SLC6A12: variants seen among roughly 807,000 people sequenced by gnomAD.
SLC6A12 encodes the protein solute carrier family 6 member 12, also known as sodium- and chloride-dependent betaine transporter.
SLC6A12 carries 50 observed loss-of-function variants against 73.3 expected under a neutral mutation model. The ratio of observed to expected loss-of-function variants is 0.68; its 90% confidence interval spans 0.54 to 0.86. SLC6A12 has a LOEUF of 0.86. Among genes scored for constraint, SLC6A12 ranks in the 40% least tolerant of loss-of-function variants. The pLI is 0.00. For synonymous variants in SLC6A12, 304 were observed against 309.2 expected, an observed-to-expected ratio of 0.98 and a Z score of 0.18; for missense variants, 648 against 772.8, an observed-to-expected ratio of 0.84 and a Z score of 1.92.
In SLC6A12 at chr12:200,501, TC is replaced by T. The variant is rs766767285; in HGVS notation, c.711+149del. 103 of 737,308 alleles carry T rather than the reference TC, an allele frequency of 1.4e-4. 1 individual carries two copies. Among genetic ancestry groups the T allele is most frequent in the African/African-American group, 2.3e-4 (13 of 56,264 alleles). 45.7% of individuals were successfully genotyped at this position (737,308 alleles called of 1,614,324 possible). A position where few individuals can be genotyped will look rare whatever the true frequency, so the allele number is the denominator to read the frequency against. On this transcript the variant is annotated intron_variant, in intron 7 of 15. Coordinates refer to ENST00000684302, the MANE Select transcript of SLC6A12 (RefSeq NM_001122848.3). ...GAGCTAAGCTCCGCCTTCCTGTGGC[TC>T]CCCCTGTTCTCACTAGGCATCTCCC... is the stretch of plus-strand genomic sequence containing the variant.
At chr12:187,351 G>A (rs1293198851), downstream of SLC6A12, among the ~76,000 whole-genome samples, 30 of 151,982 alleles carry the variant, frequency 2.0e-4, no homozygotes, top group African/African-American at 6.8e-4. Context: ...GATGTGTTCG[G>A]AGTTTTTTCC....
chr12:199,003 C>T lies in SLC6A12; in HGVS notation c.712-72G>A, dbSNP rs762987474. 16 of 1,515,152 alleles carry T rather than the reference C, an allele frequency of 1.1e-5. No homozygotes were observed. In the African/African-American group the frequency reaches 1.1e-4, roughly 10 times the overall value. 93.9% of individuals were successfully genotyped at this position (1,515,152 alleles called of 1,614,324 possible). A position where few individuals can be genotyped will look rare whatever the true frequency, so the allele number is the denominator to read the frequency against. ...TGGCCCTCCAGCCACGCCCCACAGG[C>T]AGCTCGAGTCACACGGAGCTCAGTC... On this transcript the variant is annotated intron_variant, in intron 7 of 15. Coordinates refer to ENST00000684302, the MANE Select transcript of SLC6A12 (RefSeq NM_001122848.3).
At chr12:185,236 G>A (rs1478360930), downstream of SLC6A12, among the ~76,000 whole-genome samples, 5 of 152,320 alleles carry the variant, frequency 3.3e-5, no homozygotes, top group East Asian at 3.9e-4. Context: ...CCGCTCCCCC[G>A]GCCCCACCCG....
At chr12:189,185 G>C (rs1230556788), downstream of SLC6A12, among the ~76,000 whole-genome samples, 3 of 152,252 alleles carry the variant, frequency 2.0e-5, no homozygotes, top group South Asian at 2.1e-4. Context: ...GACTAGCTGC[G>C]GGCAGGGGCC....
chr12:184,882 G>A, the SLC6A12 span, among the ~76,000 whole-genome samples: 1 of 151,570 alleles, frequency 6.6e-6, no homozygotes, highest in Non-Finnish European at 1.5e-5. Flanking sequence ...GTAGTGAGCT[G>A]AGATCAAGCC....
At chr12:196,705 C>A in intron 11 of SLC6A12, 65 bp downstream of exon 11, 1 of 1,167,534 alleles carries the variant, frequency 8.6e-7, no homozygotes, top group East Asian at 2.3e-5. Flanking sequence ...GAAAGTAGTC[C>A]CAGGACAAGC....
In SLC6A12 at chr12:202,891, G is replaced by T. The variant is rs759925640; in HGVS notation, c.350-11C>A. On this transcript the variant is annotated splice_polypyrimidine_tract_variant and intron_variant, in intron 4 of 15. Transcript: ENST00000684302. ...ATGCCAGACCAATGCCTTCCAGAGT[G>T]GGGGAGAGATGGGGAGGGACAAGAG... The T allele has an allele frequency of 9.5e-5, 153 of 1,613,004 alleles. No individual in the cohort carries two copies. In the South Asian group the frequency reaches 1.6e-3, roughly 17 times the overall value.
At chr12:187,666 C>G (rs1939461503), downstream of SLC6A12, among the ~76,000 whole-genome samples, 1 of 148,738 alleles carries the variant, frequency 6.7e-6, no homozygotes, top group Admixed American at 6.7e-5. Flanking sequence ...GCACACAACG[C>G]GACCCCAGCG....
At chr12:186,592 G>A (rs1389402280), downstream of SLC6A12, among the ~76,000 whole-genome samples, 2 of 152,212 alleles carry the variant, frequency 1.3e-5, no homozygotes, top group Admixed American at 1.3e-4. Context: ...TTTCCACGCA[G>A]TGTATTCACC....
downstream of SLC6A12, among the ~76,000 whole-genome samples, chr12:186,127 G>C (rs116720720): frequency 5.5e-3 from 838 of 152,244 alleles, 10 homozygotes; most frequent in African/African-American, 0.019. Flanking sequence ...AGGAGGCTCA[G>C]GCAGAAGGGC....
rs2137118973 is a variant in SLC6A12, at chr12:195,281, C to T, written c.1373G>A (p.Gly458Asp). The T allele has an allele frequency of 6.2e-7, 1 of 1,613,774 alleles. No individual in the cohort carries two copies. The highest frequency in any genetic ancestry group is 8.5e-7 in the Non-Finnish European group (1 of 1,179,624). Residue 458 changes from glycine to aspartate, a missense_variant, in exon 13 of 16, where the codon GGC becomes GAC. By Grantham distance (94) the Gly-to-Asp change is moderately conservative. Coordinates refer to ENST00000684302, the MANE Select transcript of SLC6A12 (RefSeq NM_001122848.3). Reference sequence around the variant, plus strand: ...CAATGACAGGAACAGCAGGCATATGCCACTGGAAGCATAGTAGTCAAACAG... The same window carrying T: ...CAATGACAGGAACAGCAGGCATATGTCACTGGAAGCATAGTAGTCAAACAG... ...FQLFDYYASS[G>D]ICLLFLSLFE...
In SLC6A12 at chr12:204,598, G is replaced by GAC; in HGVS notation, c.313_314dup (p.Thr106SerfsTer25). The GAC allele has an allele frequency of 6.2e-7, 1 of 1,614,200 alleles. No homozygotes were observed. Among genetic ancestry groups the GAC allele is most frequent in the Non-Finnish European group, 8.5e-7 (1 of 1,180,004 alleles). Reference sequence around the variant, plus strand: ...GGGGGCAGATCTTCCTCCAGGCTGTGACACTCCCTTGGCTGGTGTATTGGC... The same window carrying GAC: ...GGGGGCAGATCTTCCTCCAGGCTGTGACACACTCCCTTGGCTGGTGTATTGGC... On this transcript the variant is annotated frameshift_variant, in exon 4 of 16. Coordinates refer to ENST00000684302, the MANE Select transcript of SLC6A12 (RefSeq NM_001122848.3). LOFTEE classifies it high-confidence loss of function.
intron 7 of SLC6A12, among the ~76,000 whole-genome samples, chr12:200,302 G>C (rs904726654): frequency 6.6e-6 from 1 of 151,174 alleles, no homozygotes; most frequent in East Asian, 1.9e-4. Context: ...TAGAGACGGG[G>C]TTTTACCGTG....
chr12:194,821 T>G (rs977656408), intron 13 of SLC6A12, among the ~76,000 whole-genome samples: 5 of 152,136 alleles, frequency 3.3e-5, no homozygotes, highest in African/African-American at 7.2e-5. Context: ...ATGGAAGTAC[T>G]CAGAGTCTGG....
intron 13 of SLC6A12, among the ~76,000 whole-genome samples, chr12:194,421 G>C (rs1174039923): frequency 6.6e-6 from 1 of 152,268 alleles, no homozygotes; most frequent in Non-Finnish European, 1.5e-5. Context: ...CCTGAACCTT[G>C]TGACATTGGC....
chr12:186,543 C>A (rs1448938744), downstream of SLC6A12, among the ~76,000 whole-genome samples: 2 of 152,218 alleles, frequency 1.3e-5, no homozygotes, highest in Admixed American at 6.5e-5. Context: ...TCAGCCAGGG[C>A]TGCTGCCACT....
intron 4 of SLC6A12, 48 bp downstream of exon 4, chr12:204,516 A>G (rs953434670): frequency 3.2e-6 from 5 of 1,586,424 alleles, no homozygotes; most frequent in Non-Finnish European, 4.3e-6. Flanking sequence ...GGGGGGATGC[A>G]GGCAAGATGG....
At chr12:187,617 AAAAAAAAAAAAAAACAAAC>A (rs1939458098), downstream of SLC6A12, among the ~76,000 whole-genome samples, 4 of 17,902 alleles carry the variant, frequency 2.2e-4, no homozygotes, top group Admixed American at 5.4e-4. Context: ...AAAAAAAAAA[AAAAAAAAAAAAAAACAAAC>A]CACACACACA....
intron 2 of SLC6A12, chr12:210,585 G>C (rs1422260045): frequency 1.2e-5 from 2 of 162,874 alleles, no homozygotes; most frequent in Admixed American, 6.4e-5. Flanking sequence ...GGGAGGAAAA[G>C]AGAAGGTGGG....
Sources: gnomAD v4.1 joint callset for allele counts (sites outside exome capture counted in the v4.1 genomes callset) on GRCh38, gnomAD v4.1.1 for gene constraint, MANE v1.5 for transcripts, NCBI Gene and HGNC (gene_info 2026-07-23, HGNC 2026-07-21) for gene names.